TMEM132C: variants seen among roughly 807,000 people sequenced by gnomAD.
TMEM132C encodes transmembrane protein 132C.
TMEM132C carries 29 observed loss-of-function variants against 61.4 expected under a neutral mutation model. The ratio of observed to expected loss-of-function variants is 0.47; its 90% CI spans 0.35 to 0.64. The LOEUF (loss-of-function observed/expected upper bound fraction) is 0.64, where lower values mean the gene tolerates loss of function less well. TMEM132C is among the 30% of genes least tolerant of loss of function. TMEM132C has a pLI of 0.00. For missense variants in TMEM132C, 1,408 were observed against 1,476.9 expected, an observed-to-expected ratio of 0.95 and a Z score of 0.76; for synonymous variants, 656 against 633.1, an observed-to-expected ratio of 1.04 and a Z score of -0.54.
At chr12:128,458,839 C>T (rs1870436010) in intron 2 of TMEM132C, among the ~76,000 whole-genome samples, 2 of 152,128 alleles carry the variant, frequency 1.3e-5, no homozygotes, top group Admixed American at 6.5e-5. Flanking sequence ...GTTTTAAGAG[C>T]TCCATCTACA....
intron 1 of TMEM132C, among the ~76,000 whole-genome samples, chr12:128,314,497 T>C (rs1872081896): frequency 6.6e-6 from 1 of 152,182 alleles, no homozygotes; most frequent in Non-Finnish European, 1.5e-5. Flanking sequence ...ATGGACAGTG[T>C]CCCTCCAAAT....
At chr12:128,465,358 C>G (rs907108615) in intron 2 of TMEM132C, among the ~76,000 whole-genome samples, 2 of 150,888 alleles carry the variant, frequency 1.3e-5, no homozygotes, top group African/African-American at 5.0e-5. Context: ...GCCACCACGC[C>G]CAGCTAATTT....
intron 1 of TMEM132C, among the ~76,000 whole-genome samples, chr12:128,280,423 C>A (rs986494577): frequency 6.6e-6 from 1 of 152,170 alleles, no homozygotes; most frequent in Non-Finnish European, 1.5e-5. Flanking sequence ...ATTCTCAAAA[C>A]TGACTACATT....
At chr12:128,389,684 T>C (rs942724504) in intron 1 of TMEM132C, among the ~76,000 whole-genome samples, 1 of 152,152 alleles carries the variant, frequency 6.6e-6, no homozygotes. Flanking sequence ...TGGCCAGCCC[T>C]GTGCCTCTGA....
chr12:128,348,198 G>A (rs1873231395), intron 1 of TMEM132C, among the ~76,000 whole-genome samples: 1 of 152,182 alleles, frequency 6.6e-6, no homozygotes. Flanking sequence ...TCTTCAGGCT[G>A]TGGTAAATGG....
chr12:128,446,946 G>C (rs1213611170), intron 2 of TMEM132C, among the ~76,000 whole-genome samples: 1 of 152,194 alleles, frequency 6.6e-6, no homozygotes, highest in Non-Finnish European at 1.5e-5. Context: ...CTAGAGTAAG[G>C]TAGGAGAAAT....
chr12:128,652,521 C>T (rs138401111), intron 4 of TMEM132C, among the ~76,000 whole-genome samples: 118 of 152,374 alleles, frequency 7.7e-4, no homozygotes, highest in African/African-American at 2.6e-3. Context: ...AGAACGTTTA[C>T]AGCTCGGAAC....
chr12:128,680,860 G>C (rs1954628703), intron 5 of TMEM132C, among the ~76,000 whole-genome samples: 1 of 152,154 alleles, frequency 6.6e-6, no homozygotes, highest in South Asian at 2.1e-4. Flanking sequence ...GAGCCAAATA[G>C]GGCTCCATGT....
intron 1 of TMEM132C, among the ~76,000 whole-genome samples, chr12:128,398,599 A>G (rs1713594): frequency 0.67 from 101,320 of 152,116 alleles, 34,513 homozygotes; most frequent in African/African-American, 0.81. Context: ...TAGCGCAGAA[A>G]TGGGCACAGG....
chr12:128,685,526 C>G lies in TMEM132C; in HGVS notation c.1450-8303C>G, dbSNP rs75248128. Reference sequence around the variant, plus strand: ...TTAATAGCTACTTTGGAGGAAGTAGCTATTAATGGTCAAGTTCCAACGACT... The same window carrying G: ...TTAATAGCTACTTTGGAGGAAGTAGGTATTAATGGTCAAGTTCCAACGACT... On this transcript the variant is annotated intron_variant, in intron 5 of 8. Coordinates refer to ENST00000435159, the MANE Select transcript of TMEM132C (RefSeq NM_001136103.3). Among the ~76,000 whole-genome samples the G allele has an allele frequency of 7.0e-3, 1,067 of 152,270 alleles. 15 individuals carry two copies. Among genetic ancestry groups the G allele is most frequent in the African/African-American group, 0.024 (1,015 of 41,558 alleles).
At chr12:128,423,829 C>G (rs568173653) in intron 2 of TMEM132C, among the ~76,000 whole-genome samples, 34 of 151,684 alleles carry the variant, frequency 2.2e-4, no homozygotes, top group African/African-American at 7.3e-4. Context: ...GTCAGGAGAT[C>G]GAGACCATCC....
rs147102302 is a variant in TMEM132C at position 128,398,613 on chromosome 12, C to T, written c.86-16119C>T. On this transcript the variant is annotated intron_variant, in intron 1 of 8. Transcript: ENST00000435159. ...ATAGCGCAGAAATGGGCACAGGGAT[C>T]CTGAGTTCAAATTCTGATTTCAGAA... Among the ~76,000 whole-genome samples, 4 of 152,320 alleles carry T rather than the reference C, an allele frequency of 2.6e-5. No homozygotes were observed. In the East Asian group the frequency reaches 7.7e-4, roughly 29 times the overall value.
chr12:128,441,088 A>G (rs1050869441), intron 2 of TMEM132C, among the ~76,000 whole-genome samples: 2 of 152,196 alleles, frequency 1.3e-5, no homozygotes, highest in Non-Finnish European at 2.9e-5. Flanking sequence ...AAGCAAGAAC[A>G]ATGTCTACCC....
intron 1 of TMEM132C, among the ~76,000 whole-genome samples, chr12:128,374,448 G>C (rs1339858144): frequency 6.6e-6 from 1 of 152,132 alleles, no homozygotes; most frequent in Non-Finnish European, 1.5e-5. Flanking sequence ...GAAGTTCTCG[G>C]GCACAGTGAG....
At chr12:128,665,645 C>CACACACA (rs1954454850) in intron 4 of TMEM132C, among the ~76,000 whole-genome samples, 1 of 59,590 alleles carries the variant, frequency 1.7e-5, no homozygotes, top group African/African-American at 9.2e-5. Flanking sequence ...ACACACACAC[C>CACACACA]CAGGCACATG....
chr12:128,454,429 G>C (rs894454463), intron 2 of TMEM132C, among the ~76,000 whole-genome samples: 4 of 152,168 alleles, frequency 2.6e-5, no homozygotes, highest in African/African-American at 9.7e-5. Flanking sequence ...CTCACCCCCA[G>C]CTCCAGAAGT....
rs1954056735 is a variant in TMEM132C at position 128,630,465 on chromosome 12, C to T, written c.1305+14130C>T. Reference sequence around the variant, plus strand: ...CTCCCAGGCTTCATCCAGGCATCTACTCAAATATCCCCTCCTCACTAGGCC... The same window carrying T: ...CTCCCAGGCTTCATCCAGGCATCTATTCAAATATCCCCTCCTCACTAGGCC... On this transcript the variant is annotated intron_variant, in intron 4 of 8. Transcript: ENST00000435159. The surrounding 1 kb of genome is among the most constrained non-coding windows in gnomAD (Gnocchi z 4.3). Among the ~76,000 whole-genome samples, 1 of 152,200 alleles carries T rather than the reference C, an allele frequency of 6.6e-6. No individual in the cohort carries two copies. Among genetic ancestry groups the T allele is most frequent in the Non-Finnish European group, 1.5e-5 (1 of 68,024 alleles).
At chr12:128,555,332 G>T (rs1485910935) in intron 3 of TMEM132C, among the ~76,000 whole-genome samples, 2 of 152,164 alleles carry the variant, frequency 1.3e-5, no homozygotes, top group Non-Finnish European at 2.9e-5. Flanking sequence ...GTGCTTAGAG[G>T]AATGAAGTGC....
intron 1 of TMEM132C, among the ~76,000 whole-genome samples, chr12:128,392,002 C>A (rs1874778206): frequency 6.6e-6 from 1 of 151,976 alleles, no homozygotes; most frequent in Non-Finnish European, 1.5e-5. Flanking sequence ...ATGACCTGAA[C>A]CTCTAATTAA....
Sources: allele counts gnomAD v4.1 joint callset (sites outside exome capture counted in the v4.1 genomes callset), GRCh38; gene constraint gnomAD v4.1.1; non-coding constraint Gnocchi (gnomAD v3.1); transcripts MANE v1.5; gene names NCBI Gene and HGNC (gene_info 2026-07-23, HGNC 2026-07-21).